The following CDC42SE2 variants were observed in gnomAD, a reference collection of about 807,000 sequenced individuals.
CDC42SE2 encodes the protein CDC42 small effector 2, also known as CDC42 small effector protein 2.
CDC42SE2 carries 3 observed loss-of-function variants against 11.5 expected under a neutral mutation model. The observed-to-expected ratio is 0.26, with a 90% CI of 0.12 to 0.67. CDC42SE2 has a LOEUF of 0.67. Among genes scored for constraint, CDC42SE2 ranks in the 30% least tolerant of loss-of-function variants. The probability of loss-of-function intolerance (pLI) is 0.80; values close to 1 mark genes in which losing one functional copy is unlikely to be tolerated. For missense variants in CDC42SE2, 82 were observed against 106.8 expected (o/e 0.77, Z 1.02); for synonymous variants, 33 against 34.8 (o/e 0.95, Z 0.18).
the CDC42SE2 span, among the ~76,000 whole-genome samples, chr5:131,213,234 T>A: frequency 6.6e-6 from 1 of 151,938 alleles, no homozygotes; most frequent in Non-Finnish European, 1.5e-5. Context: ...TTCATAAAGA[T>A]AGAGAGAGAG....
chr5:131,312,786 G>A (rs1030716286), intron 1 of CDC42SE2, among the ~76,000 whole-genome samples: 9 of 152,192 alleles, frequency 5.9e-5, no homozygotes, highest in South Asian at 2.1e-4. Flanking sequence ...GCAATGCCTC[G>A]CCCTACTTTG....
intron 3 of CDC42SE2, among the ~76,000 whole-genome samples, chr5:131,374,892 C>T (rs1335116725): frequency 6.6e-6 from 1 of 152,054 alleles, no homozygotes; most frequent in Non-Finnish European, 1.5e-5. Flanking sequence ...GTACATTGTA[C>T]ATTGTATACA....
Position 131,316,042 on chromosome 5 carries a change from A to G in CDC42SE2, c.-388A>G, listed in dbSNP as rs1418779211. 3.3e-5 allele frequency: 5 copies of G among 152,370 alleles called. No homozygotes were observed. The highest frequency in any genetic ancestry group is 5.9e-5 in the Non-Finnish European group (4 of 68,032). 9.4% of individuals were successfully genotyped at this position (152,370 alleles called of 1,614,324 possible). A position where few individuals can be genotyped will look rare whatever the true frequency, so the allele number is the denominator to read the frequency against. On this transcript the variant is annotated 5_prime_UTR_variant, in exon 2 of 5. Coordinates refer to ENST00000505065, the MANE Select transcript of CDC42SE2 (RefSeq NM_001375635.1). ...GGAACCCAAATGAGAAGAAATCTGC[A>G]AGGAATAACTACTGACAGTGAATCT...
At chr5:131,312,358 A>C (rs1333531854) in intron 1 of CDC42SE2, among the ~76,000 whole-genome samples, 3 of 152,130 alleles carry the variant, frequency 2.0e-5, no homozygotes, top group African/African-American at 7.2e-5. Context: ...GCTGTCAGAC[A>C]GGGACATTTA....
chr5:131,213,957 C>T, the CDC42SE2 span, among the ~76,000 whole-genome samples: 2 of 152,100 alleles, frequency 1.3e-5, no homozygotes, highest in African/African-American at 4.8e-5. Context: ...TAACTGAATA[C>T]TTGACCAGGG....
chr5:131,246,678 G>C (rs1182670985), intron 1 of CDC42SE2, among the ~76,000 whole-genome samples: 1 of 151,844 alleles, frequency 6.6e-6, no homozygotes, highest in Non-Finnish European at 1.5e-5. Flanking sequence ...GGGTGGGTGA[G>C]GGTCCATGTT....
At chr5:131,348,574 A>G (rs1161064060) in intron 2 of CDC42SE2, among the ~76,000 whole-genome samples, 1 of 152,200 alleles carries the variant, frequency 6.6e-6, no homozygotes, top group Non-Finnish European at 1.5e-5. Context: ...GCCCAAGGTA[A>G]TGTATAGATT....
intron 1 of CDC42SE2, among the ~76,000 whole-genome samples, chr5:131,278,693 G>T (rs1400359435): frequency 9.1e-6 from 1 of 110,080 alleles, no homozygotes; most frequent in Non-Finnish European, 1.8e-5. Flanking sequence ...TTGAATATTG[G>T]CAGTTCCTTT....
intron 1 of CDC42SE2, among the ~76,000 whole-genome samples, chr5:131,292,559 C>CAA (rs58166806): frequency 8.5e-6 from 1 of 117,884 alleles, no homozygotes; most frequent in African/African-American, 3.4e-5. Flanking sequence ...GACTCCATCT[C>CAA]AAAAAAAAAA....
chr5:131,363,037 C>T (rs905575824), intron 3 of CDC42SE2, among the ~76,000 whole-genome samples: 2 of 151,736 alleles, frequency 1.3e-5, no homozygotes, highest in Admixed American at 6.6e-5. Flanking sequence ...CTAGCTACTC[C>T]GGAGGCTGAG....
intron 2 of CDC42SE2, among the ~76,000 whole-genome samples, chr5:131,258,367 G>T (rs1756695017): frequency 1.3e-5 from 2 of 151,672 alleles, no homozygotes; most frequent in Non-Finnish European, 2.9e-5. Flanking sequence ...TGTAAAATTG[G>T]TATTACTTGC....
chr5:131,370,588 G>C (rs756476388), intron 3 of CDC42SE2, among the ~76,000 whole-genome samples: 26 of 151,678 alleles, frequency 1.7e-4, no homozygotes, highest in Non-Finnish European at 3.5e-4. Context: ...CTCCCAAAGT[G>C]CTGGGATTAC....
the CDC42SE2 span, among the ~76,000 whole-genome samples, chr5:131,214,104 G>A: frequency 1.3e-5 from 2 of 152,152 alleles, no homozygotes; most frequent in African/African-American, 4.8e-5. Context: ...TAAAAATAAT[G>A]TATTAGAACA....
chr5:131,276,726 G>T (rs1035883404), intron 1 of CDC42SE2, among the ~76,000 whole-genome samples: 2 of 112,900 alleles, frequency 1.8e-5, no homozygotes, highest in African/African-American at 3.7e-5. Flanking sequence ...ATGACCATTA[G>T]AATTTTTTTT....
intron 1 of CDC42SE2, among the ~76,000 whole-genome samples, chr5:131,293,862 AC>A (rs1377185035): frequency 1.3e-5 from 2 of 152,208 alleles, no homozygotes; most frequent in East Asian, 3.9e-4. Flanking sequence ...TGACTGAAAT[AC>A]AGACTGATCG....
chr5:131,324,299 T>C (rs979628553), intron 2 of CDC42SE2, among the ~76,000 whole-genome samples: 8 of 152,140 alleles, frequency 5.3e-5, no homozygotes, highest in Non-Finnish European at 8.8e-5. Context: ...TTCATGGCTG[T>C]TTTTATTTGG....
intron 1 of CDC42SE2, among the ~76,000 whole-genome samples, chr5:131,307,095 T>C (rs1397450617): frequency 6.6e-6 from 1 of 152,170 alleles, no homozygotes; most frequent in Non-Finnish European, 1.5e-5. Flanking sequence ...CTTTAAGTTT[T>C]AGGGTACATG....
At chr5:131,254,846 T>C (rs1756667872) in intron 1 of CDC42SE2, among the ~76,000 whole-genome samples, 1 of 152,230 alleles carries the variant, frequency 6.6e-6, no homozygotes, top group Non-Finnish European at 1.5e-5. Context: ...TTAACCTAGT[T>C]ATCATGGTTG....
At chr5:131,279,064 C>T (rs144043024) in intron 1 of CDC42SE2, among the ~76,000 whole-genome samples, 121 of 151,966 alleles carry the variant, frequency 8.0e-4, no homozygotes, top group Non-Finnish European at 1.1e-3. Flanking sequence ...GGATTACAGG[C>T]GTAAGCCACC....
Sources: gnomAD v4.1 joint callset for allele counts (sites outside exome capture counted in the v4.1 genomes callset) on GRCh38, gnomAD v4.1.1 for gene constraint, MANE v1.5 for transcripts, NCBI Gene and HGNC (gene_info 2026-07-23, HGNC 2026-07-21) for gene names.